MTMR7: variants seen among roughly 807,000 people sequenced by gnomAD.
MTMR7 encodes the protein myotubularin related protein 7.
Under a neutral mutation model 81.2 loss-of-function variants are expected in MTMR7, and 76 were observed. The ratio of observed to expected loss-of-function variants is 0.94; its 90% CI spans 0.78 to 1.13. MTMR7 has a LOEUF of 1.13. MTMR7 is among the 50% of genes most tolerant of loss of function. The probability of loss-of-function intolerance (pLI) is 0.00; values close to 1 mark genes in which losing one functional copy is unlikely to be tolerated. For synonymous variants in MTMR7, 372 were observed against 289.8 expected, an observed-to-expected ratio of 1.28 and a Z score of -2.88; for missense variants, 1,044 against 820.0, an observed-to-expected ratio of 1.27 and a Z score of -3.34.
rs1554504069 is a variant in MTMR7 at position 17,302,704 on chromosome 8, C to CT, written c.1494-425_1494-424insA. ...AAGTTGACATTTGCATTGGCAATAACCCCCCCCCCCCCGCTTTTTTTTTTA... is the reference window on the plus strand; with the variant it reads ...AAGTTGACATTTGCATTGGCAATAACTCCCCCCCCCCCCGCTTTTTTTTTTA... On this transcript the variant is annotated intron_variant, in intron 12 of 13. Transcript: ENST00000180173. Among the ~76,000 whole-genome samples, 3 of 12,616 alleles carry CT rather than the reference C, an allele frequency of 2.4e-4. 1 individual carries two copies. The highest frequency in any genetic ancestry group is 1.2e-3 in the Non-Finnish European group (3 of 2,562). 8.3% of individuals were successfully genotyped at this position (12,616 alleles called of 152,430 possible). A position where few individuals can be genotyped will look rare whatever the true frequency, so the allele number is the denominator to read the frequency against.
rs2150548182 is a variant in MTMR7 at position 17,349,036 on chromosome 8, T to C, written c.514A>G (p.Thr172Ala). The C allele has an allele frequency of 6.2e-7, 1 of 1,612,832 alleles. No homozygotes were observed. The highest frequency in any genetic ancestry group is 2.2e-5 in the East Asian group (1 of 44,830). ...PTELYVPKSATAHIIVGSSKF... is the reference protein window; with the variant it reads ...PTELYVPKSAAAHIIVGSSKF... ...GAACTCCCCACTATGATGTGTGCCG[T>C]GGCCGATTTGGGAACGTACAGTTCA... Residue 172 changes from threonine (T) to alanine (A), a missense_variant, in exon 5 of 14, where the codon ACG (threonine) becomes GCG (alanine). Physicochemically the swap from Thr to Ala is moderately conservative, Grantham distance 58 (BLOSUM62 0). Coordinates refer to ENST00000180173, the MANE Select transcript of MTMR7 (RefSeq NM_004686.5).
intron 2 of MTMR7, among the ~76,000 whole-genome samples, chr8:17,371,681 G>C (rs1820424767): frequency 6.6e-6 from 1 of 151,648 alleles, no homozygotes; most frequent in African/African-American, 2.4e-5. Flanking sequence ...TTGGTGGTCG[G>C]GCAGGCTGCA....
At chr8:17,301,588 C>T (rs1298696605) in intron 13 of MTMR7, 1 of 152,276 alleles carries the variant, frequency 6.6e-6, no homozygotes, top group African/African-American at 2.4e-5. Flanking sequence ...AGCCAGACTG[C>T]TAGAATAGAC....
At chr8:17,375,548 C>T (rs1038952067) in intron 1 of MTMR7, among the ~76,000 whole-genome samples, 3 of 150,486 alleles carry the variant, frequency 2.0e-5, no homozygotes, top group African/African-American at 7.3e-5. Context: ...TATGGTTATC[C>T]ATCATGGTGT....
intron 3 of MTMR7, among the ~76,000 whole-genome samples, chr8:17,361,796 C>T (rs190005842): frequency 3.6e-4 from 55 of 152,298 alleles, no homozygotes; most frequent in Non-Finnish European, 6.2e-4. Flanking sequence ...GCATTGGAAA[C>T]ATCTGAACTT....
intron 4 of MTMR7, among the ~76,000 whole-genome samples, chr8:17,357,428 G>C (rs944336256): frequency 9.9e-5 from 15 of 152,172 alleles, no homozygotes; most frequent in African/African-American, 3.6e-4. Context: ...AGCATATGCA[G>C]ACCAAGTACA....
intron 1 of MTMR7, among the ~76,000 whole-genome samples, chr8:17,388,626 C>T (rs1002052583): frequency 3.3e-5 from 5 of 152,194 alleles, no homozygotes; most frequent in South Asian, 4.1e-4. Flanking sequence ...CAGCAAAGGA[C>T]GAAACCATCT....
chr8:17,323,643 C>T (rs1486918607), intron 7 of MTMR7, among the ~76,000 whole-genome samples: 4 of 151,982 alleles, frequency 2.6e-5, no homozygotes, highest in East Asian at 1.9e-4. Flanking sequence ...CAGCAGAGGC[C>T]GCAGGGGTGG....
intron 1 of MTMR7, among the ~76,000 whole-genome samples, chr8:17,407,414 G>A (rs1005699642): frequency 1.3e-5 from 2 of 152,068 alleles, no homozygotes; most frequent in East Asian, 1.9e-4. Flanking sequence ...TAACGTTTTC[G>A]GAAAGTCATT....
Position 17,297,894 on chromosome 8 carries a change from G to T in MTMR7, c.*1968C>A, listed in dbSNP as rs1167509352. The T allele has an allele frequency of 1.3e-5, 2 of 152,000 alleles. No individual in the cohort carries two copies. Among genetic ancestry groups the T allele is most frequent in the African/African-American group, 4.8e-5 (2 of 41,428 alleles). The allele number at this position is 152,000 out of a possible 1,614,324, so 9.4% of individuals were successfully genotyped here. The stretch of plus-strand genomic sequence containing the variant: ...TTACATAAATTATAATGTCTGTCTT[G>T]TAAAAAAGTTGAGGGGACTAAAAGT... On this transcript the variant is annotated 3_prime_UTR_variant, in exon 14 of 14. Transcript: ENST00000180173.
chr8:17,343,126 G>C (rs778957922), intron 5 of MTMR7, among the ~76,000 whole-genome samples: 2 of 152,104 alleles, frequency 1.3e-5, no homozygotes, highest in Non-Finnish European at 2.9e-5. Flanking sequence ...ACTTTATCCG[G>C]GTTAAAGAAA....
At chr8:17,406,762 T>C (rs1032613320) in intron 1 of MTMR7, among the ~76,000 whole-genome samples, 6 of 152,114 alleles carry the variant, frequency 3.9e-5, no homozygotes, top group African/African-American at 1.4e-4. Context: ...ATAAACAAAA[T>C]GCAGGATTAG....
intron 5 of MTMR7, among the ~76,000 whole-genome samples, chr8:17,344,117 A>G (rs1819485934): frequency 6.6e-6 from 1 of 152,226 alleles, no homozygotes; most frequent in Admixed American, 6.5e-5. Context: ...CATATACAAT[A>G]AGACCTATTA....
intron 13 of MTMR7, chr8:17,301,938 A>G (rs185357913): frequency 2.1e-6 from 1 of 481,552 alleles, no homozygotes; most frequent in Admixed American, 4.1e-5. Flanking sequence ...AAATTTGTGG[A>G]ACTGAGCCAC....
chr8:17,346,956 AG>A (rs1819574278), intron 5 of MTMR7, among the ~76,000 whole-genome samples: 2 of 146,866 alleles, frequency 1.4e-5, no homozygotes, highest in African/African-American at 5.0e-5. Context: ...GCACTTTGGG[AG>A]GCCGAGGCAG....
intron 1 of MTMR7, among the ~76,000 whole-genome samples, chr8:17,382,924 G>A (rs1040425675): frequency 6.6e-6 from 1 of 152,312 alleles, no homozygotes; most frequent in African/African-American, 2.4e-5. Flanking sequence ...GTGATTAGGA[G>A]AATGCAGTGA....
At chr8:17,310,851 G>T (rs1312700390) in intron 9 of MTMR7, among the ~76,000 whole-genome samples, 1 of 152,106 alleles carries the variant, frequency 6.6e-6, no homozygotes, top group African/African-American at 2.4e-5. Flanking sequence ...TGGTTAAGAG[G>T]TGAATTCATT....
At chr8:17,399,158 A>C (rs1346299469) in intron 1 of MTMR7, among the ~76,000 whole-genome samples, 1 of 152,030 alleles carries the variant, frequency 6.6e-6, no homozygotes. Flanking sequence ...AAAAAAAATA[A>C]AGAGCATCCA....
At chr8:17,362,209 T>A (rs1472966458) in intron 3 of MTMR7, among the ~76,000 whole-genome samples, 1 of 152,230 alleles carries the variant, frequency 6.6e-6, no homozygotes, top group Non-Finnish European at 1.5e-5. Context: ...AAAATCATTA[T>A]CACTTCAACA....
Sources: gnomAD v4.1 joint callset for allele counts (sites outside exome capture counted in the v4.1 genomes callset) on GRCh38, gnomAD v4.1.1 for gene constraint, MANE v1.5 for transcripts, NCBI Gene and HGNC (gene_info 2026-07-23, HGNC 2026-07-21) for gene names.